ZNF730: variants seen among roughly 807,000 people sequenced by gnomAD.
The protein encoded by ZNF730 is putative zinc finger protein 730.
Under a neutral mutation model 12.6 loss-of-function variants are expected in ZNF730, and 12 were observed. That is an observed-to-expected ratio of 0.95 (90% CI 0.61 to 1.54). The LOEUF (loss-of-function observed/expected upper bound fraction) is 1.54. Among genes scored for constraint, ZNF730 ranks in the 40% most tolerant of loss-of-function variants. The pLI, the probability that ZNF730 is intolerant of heterozygous loss-of-function variation, is 0.00. For synonymous variants in ZNF730, 194 were observed against 195.8 expected (o/e 0.99, Z 0.08); for missense variants, 643 against 583.5 (o/e 1.10, Z -1.05).
At chr19:23,127,656 T>C (rs1384285935) in intron 1 of ZNF730, 1 of 1,175,400 alleles carries the variant, frequency 8.5e-7, no homozygotes, top group East Asian at 2.3e-5. Flanking sequence ...ATGGTGAATT[T>C]TACTTTATTC....
chr19:23,079,650 A>G (rs763924088), intron 1 of ZNF730, among the ~76,000 whole-genome samples: 2 of 152,194 alleles, frequency 1.3e-5, no homozygotes, highest in Non-Finnish European at 2.9e-5. Context: ...CATTTCAGAC[A>G]TTATTAGGTG....
intron 1 of ZNF730, among the ~76,000 whole-genome samples, chr19:23,080,489 C>G (rs1449989515): frequency 6.6e-6 from 1 of 151,898 alleles, no homozygotes; most frequent in Non-Finnish European, 1.5e-5. Flanking sequence ...GATTCTCTAC[C>G]TCAGCCTTCT....
chr19:23,111,295 TTTAA>T (rs772334874), intron 1 of ZNF730, among the ~76,000 whole-genome samples: 7 of 152,232 alleles, frequency 4.6e-5, no homozygotes, highest in East Asian at 3.8e-4. Flanking sequence ...AGAAATTTTA[TTTAA>T]TTGTCATTTT....
intron 2 of ZNF730, among the ~76,000 whole-genome samples, chr19:23,135,173 A>G (rs1414892583): frequency 2.6e-5 from 3 of 114,846 alleles, no homozygotes; most frequent in African/African-American, 3.3e-5. Flanking sequence ...CTATTGTCCT[A>G]TGACCCTGCC....
chr19:23,109,531 C>T (rs1970436726), intron 1 of ZNF730, among the ~76,000 whole-genome samples: 2 of 152,018 alleles, frequency 1.3e-5, no homozygotes, highest in African/African-American at 4.8e-5. Context: ...GCCTCAGCCT[C>T]CCGAGTAGCT....
chr19:23,142,891 T>C (rs2145699795), intron 3 of ZNF730, among the ~76,000 whole-genome samples: 1 of 152,268 alleles, frequency 6.6e-6, no homozygotes, highest in Non-Finnish European at 1.5e-5. Context: ...TTATTCTCTT[T>C]GTGTATCTAT....
chr19:23,128,229 C>A, intron 1 of ZNF730: 1 of 742,772 alleles, frequency 1.3e-6, no homozygotes, highest in Non-Finnish European at 2.4e-6. Flanking sequence ...ATTCTGAAAG[C>A]AAGGACTTTA....
At chr19:23,129,204 C>G (rs1362073377) in intron 1 of ZNF730, among the ~76,000 whole-genome samples, 2 of 152,184 alleles carry the variant, frequency 1.3e-5, no homozygotes, top group Non-Finnish European at 2.9e-5. Context: ...ACACAGAGTC[C>G]TTACTGGGGC....
At chr19:23,107,890 A>G (rs1307447423) in intron 1 of ZNF730, among the ~76,000 whole-genome samples, 1 of 152,028 alleles carries the variant, frequency 6.6e-6, no homozygotes, top group African/African-American at 2.4e-5. Context: ...GGTTCATGGT[A>G]TGTTTTTTAT....
At chr19:23,136,183 T>C (rs1257777948) in intron 3 of ZNF730, 140 bp downstream of exon 3, 7 of 614,406 alleles carry the variant, frequency 1.1e-5, no homozygotes, top group Non-Finnish European at 1.6e-5. Flanking sequence ...TATTTTGCTT[T>C]TTATTTATTT....
In ZNF730 at chr19:23,143,262, AC is replaced by A. The variant is rs986494531; in HGVS notation, c.227-2008del. Among the ~76,000 whole-genome samples, 9 of 152,160 alleles carry A rather than the reference AC, an allele frequency of 5.9e-5. No homozygotes were observed. The South Asian group carries it at 1.0e-3, about 17-fold the overall frequency. On this transcript the variant is annotated intron_variant, in intron 3 of 3. Transcript: ENST00000597761. ...TCCGTCTCAAAAAAGAAAAAAAAAAACAATATATTTTTGGTTTGGTAAAAAA... is the reference window on the plus strand; with the variant it reads ...TCCGTCTCAAAAAAGAAAAAAAAAAAAATATATTTTTGGTTTGGTAAAAAA...
chr19:23,114,565 G>T (rs2145583999), upstream of ZNF730, among the ~76,000 whole-genome samples: 1 of 151,388 alleles, frequency 6.6e-6, no homozygotes, highest in Admixed American at 6.6e-5. Context: ...TGTTAGCCAG[G>T]ATGGTCTCGA....
At chr19:23,104,477 T>C (rs1329030145) in intron 1 of ZNF730, among the ~76,000 whole-genome samples, 1 of 152,134 alleles carries the variant, frequency 6.6e-6, no homozygotes. Flanking sequence ...AGGAAACTTG[T>C]TTTTAACTAC....
chr19:23,145,226 C>T, intron 3 of ZNF730, 45 bp from the exon 4 acceptor site: 1 of 1,304,804 alleles, frequency 7.7e-7, no homozygotes. Context: ...ATAAACTATA[C>T]TCAGTCTAGT....
Position 23,145,684 on chromosome 19 carries a change from T to C in ZNF730, c.640T>C (p.Ser214Pro), listed in dbSNP as rs781046752. ...EEYGKAFNES[S>P]NCTTHKRITE... is the part of the protein sequence containing the mutation. ...ATATGGCAAAGCCTTTAATGAGTCC[T>C]CAAACTGTACTACACATAAAAGAAT... is the stretch of plus-strand genomic sequence containing the variant. Residue 214 changes from serine (S) to proline (P), a missense_variant, in exon 4 of 4, where the codon TCA (serine) becomes CCA (proline). By Grantham distance (74) the Ser-to-Pro change is moderately conservative (BLOSUM62 -1). Transcript: ENST00000597761. The C allele has an allele frequency of 2.6e-5, 40 of 1,556,408 alleles. No individual in the cohort carries two copies. The Admixed American group carries it at 7.8e-4, about 30-fold the overall frequency.
At chr19:23,130,692 T>C (rs1330842053) in intron 1 of ZNF730, among the ~76,000 whole-genome samples, 1 of 151,536 alleles carries the variant, frequency 6.6e-6, no homozygotes, top group Non-Finnish European at 1.5e-5. Flanking sequence ...AAATGGCTTA[T>C]TAGTATATGA....
chr19:23,128,038 G>A (rs1179950482), intron 1 of ZNF730: 3 of 757,174 alleles, frequency 4.0e-6, no homozygotes, highest in Non-Finnish European at 7.2e-6. Context: ...AGGCCAAGTG[G>A]AGGTGACTGG....
At chr19:23,088,862 TGGTTGGTTGGTG>T (rs889846850) in intron 1 of ZNF730, among the ~76,000 whole-genome samples, 7 of 152,122 alleles carry the variant, frequency 4.6e-5, no homozygotes, top group African/African-American at 1.7e-4. Context: ...TTTTGTTTGT[TGGTTGGTTGGTG>T]GGTTGGTTGG....
chr19:23,109,466 T>C (rs1970435744), intron 1 of ZNF730, among the ~76,000 whole-genome samples: 1 of 151,790 alleles, frequency 6.6e-6, no homozygotes, highest in Non-Finnish European at 1.5e-5. Flanking sequence ...TGGAGTGCAG[T>C]TGTGAGATGT....
Sources: gnomAD v4.1 joint callset for allele counts (sites outside exome capture counted in the v4.1 genomes callset) on GRCh38, gnomAD v4.1.1 for gene constraint, MANE v1.5 for transcripts, NCBI Gene and HGNC (gene_info 2026-07-23, HGNC 2026-07-21) for gene names.